OSBPL10: variants seen among roughly 807,000 people sequenced by gnomAD.
OSBPL10 encodes oxysterol binding protein like 10, also known as oxysterol-binding protein-related protein 10.
OSBPL10 carries 49 observed loss-of-function variants against 81.7 expected under a neutral mutation model. The ratio of observed to expected loss-of-function variants is 0.60; its 90% CI spans 0.48 to 0.76. The LOEUF is 0.76. OSBPL10 is among the 30% of genes least tolerant of loss of function. The pLI is 0.00. For synonymous variants in OSBPL10, 419 were observed against 383.6 expected, an observed-to-expected ratio of 1.09 and a Z score of -1.08; for missense variants, 923 against 987.8, an observed-to-expected ratio of 0.93 and a Z score of 0.88.
chr3:31,905,269 C>T (rs1397888269), intron 1 of OSBPL10, among the ~76,000 whole-genome samples: 1 of 149,706 alleles, frequency 6.7e-6, no homozygotes, highest in African/African-American at 2.5e-5. Context: ...TCAAGTCACA[C>T]GATGATATCA....
At chr3:31,935,315 A>G (rs1159660378) in intron 1 of OSBPL10, among the ~76,000 whole-genome samples, 2 of 152,144 alleles carry the variant, frequency 1.3e-5, no homozygotes, top group African/African-American at 2.4e-5. Context: ...TACATATTTG[A>G]TGTTAAGGGA....
chr3:31,761,474 A>T (rs77291210), intron 4 of OSBPL10, among the ~76,000 whole-genome samples: 1 of 149,322 alleles, frequency 6.7e-6, no homozygotes, highest in Non-Finnish European at 1.5e-5. Context: ...TCCATTTCAA[A>T]AAAAAAAAAA....
At chr3:31,676,393 GC>G (rs1378356836) in intron 8 of OSBPL10, among the ~76,000 whole-genome samples, 3,429 of 135,504 alleles carry the variant, frequency 0.025, 128 homozygotes, top group African/African-American at 0.089. Flanking sequence ...GCTAAGAGAA[GC>G]CAAAAAAAAA....
chr3:31,929,675 G>A (rs1427693121), intron 1 of OSBPL10, among the ~76,000 whole-genome samples: 1 of 151,638 alleles, frequency 6.6e-6, no homozygotes, highest in Non-Finnish European at 1.5e-5. Flanking sequence ...GTGAACCCGG[G>A]AGGCGGAGCT....
chr3:32,049,615 C>T (rs887370059), intron 1 of OSBPL10, among the ~76,000 whole-genome samples: 12 of 152,102 alleles, frequency 7.9e-5, no homozygotes, highest in African/African-American at 2.9e-4. Context: ...CAGTAAAGTC[C>T]CCCTTGCTTA....
intron 1 of OSBPL10, among the ~76,000 whole-genome samples, chr3:31,898,992 C>T (rs1696149436): frequency 1.7e-5 from 2 of 116,046 alleles, no homozygotes; most frequent in Non-Finnish European, 1.6e-5. Context: ...GACAGAGTCT[C>T]GGTCTGTCAC....
chr3:31,883,975 C>A (rs1444213560), intron 1 of OSBPL10, among the ~76,000 whole-genome samples: 1 of 152,238 alleles, frequency 6.6e-6, no homozygotes, highest in Middle Eastern at 3.2e-3. Flanking sequence ...ACCGCTCCTA[C>A]CAACTTATCC....
chr3:31,783,920 A>C (rs1158051890), intron 4 of OSBPL10, among the ~76,000 whole-genome samples: 1 of 146,050 alleles, frequency 6.8e-6, no homozygotes, highest in Non-Finnish European at 1.5e-5. Flanking sequence ...ACAAGATAGA[A>C]ATTTACTGCA....
upstream of OSBPL10, among the ~76,000 whole-genome samples, chr3:31,984,102 ACCTCAGCTCACTGCAAG>A (rs1371516843): frequency 6.6e-6 from 1 of 151,896 alleles, no homozygotes; most frequent in African/African-American, 2.4e-5. Context: ...TAGTGGCACG[ACCTCAGCTCACTGCAAG>A]CCCTGCCTCC....
intron 4 of OSBPL10, among the ~76,000 whole-genome samples, chr3:31,785,183 G>A (rs750357007): frequency 1.3e-5 from 2 of 152,128 alleles, no homozygotes; most frequent in Non-Finnish European, 2.9e-5. Context: ...CCGCAGTCTT[G>A]AACCATATTT....
intron 1 of OSBPL10, among the ~76,000 whole-genome samples, chr3:31,887,345 T>C (rs879616222): frequency 1.3e-5 from 2 of 152,172 alleles, no homozygotes; most frequent in African/African-American, 2.4e-5. Flanking sequence ...ATGGATGCAT[T>C]TTCCCGAGTG....
chr3:32,030,524 A>G, intron 2 of OSBPL10: 1 of 739,990 alleles, frequency 1.4e-6, no homozygotes. Flanking sequence ...AAATGCGTGA[A>G]GGAAAATGAT....
intron 1 of OSBPL10, among the ~76,000 whole-genome samples, chr3:31,962,612 G>A (rs1435350577): frequency 6.6e-6 from 1 of 151,980 alleles, no homozygotes; most frequent in African/African-American, 2.4e-5. Flanking sequence ...CTGATTCCAG[G>A]GGGCTTTTAC....
intron 3 of OSBPL10, among the ~76,000 whole-genome samples, chr3:31,873,611 A>T (rs1257981108): frequency 6.6e-6 from 1 of 152,212 alleles, no homozygotes; most frequent in African/African-American, 2.4e-5. Flanking sequence ...ATTTTACGTA[A>T]GAGTTTTTAA....
intron 3 of OSBPL10, among the ~76,000 whole-genome samples, chr3:31,845,612 G>A (rs1700609382): frequency 6.6e-6 from 1 of 152,154 alleles, no homozygotes; most frequent in Non-Finnish European, 1.5e-5. Context: ...GCAGAATCCA[G>A]TAAGAAGCGG....
chr3:31,743,963 G>A (rs750560695), intron 5 of OSBPL10, among the ~76,000 whole-genome samples: 56 of 152,254 alleles, frequency 3.7e-4, no homozygotes, highest in African/African-American at 1.1e-3. Flanking sequence ...CAGGGCCAAC[G>A]TATTCTCTAT....
intron 1 of OSBPL10, among the ~76,000 whole-genome samples, chr3:31,949,667 C>CAAAAAAAAAAAAA (rs56002214): frequency 7.6e-5 from 2 of 26,258 alleles, no homozygotes; most frequent in African/African-American, 3.3e-4. Context: ...GACTCTGTCT[C>CAAAAAAAAAAAAA]AAAAAAAAAA....
At chr3:31,939,973 G>A (rs557336389) in intron 1 of OSBPL10, among the ~76,000 whole-genome samples, 12 of 152,126 alleles carry the variant, frequency 7.9e-5, no homozygotes, top group Non-Finnish European at 1.2e-4. Context: ...CTCCTACCTC[G>A]GCCTCCCAAA....
Position 31,994,491 on chromosome 3 carries a change from A to AGGATGGAT in OSBPL10, n.298+51992_298+51999dup, listed in dbSNP as rs200832488. The stretch of plus-strand genomic sequence containing the variant: ...TGAGTTCCCTATGTCAGGGAAAAAA[A>AGGATGGAT]GGATGGATGGATGGATGGATGGATG... On this transcript the variant is annotated intron_variant and non_coding_transcript_variant, in intron 2 of 3. Transcript: ENST00000479173. Among the ~76,000 whole-genome samples, 386 of 149,760 alleles carry AGGATGGAT rather than the reference A, an allele frequency of 2.6e-3. 2 individuals are homozygous for AGGATGGAT. Among genetic ancestry groups the AGGATGGAT allele is most frequent in the Middle Eastern group, 6.8e-3 (2 of 292 alleles).
Sources: gnomAD v4.1 joint callset for allele counts (sites outside exome capture counted in the v4.1 genomes callset) on GRCh38, gnomAD v4.1.1 for gene constraint, MANE v1.5 for transcripts, NCBI Gene and HGNC (gene_info 2026-07-23, HGNC 2026-07-21) for gene names.